Variants in SMOX observed in about 807,000 individuals in gnomAD.
SMOX encodes spermine oxidase.
In SMOX, 22 loss-of-function variants were observed where a neutral mutation model predicts 51.0. The ratio of observed to expected loss-of-function variants is 0.43; its 90% CI spans 0.31 to 0.62. SMOX has a LOEUF of 0.62. SMOX is among the 20% of genes least tolerant of loss of function. The pLI is 0.10. For synonymous variants in SMOX, 282 were observed against 307.8 expected, an observed-to-expected ratio of 0.92 and a Z score of 0.88; for missense variants, 566 against 777.7, an observed-to-expected ratio of 0.73 and a Z score of 3.24.
intron 1 of SMOX, among the ~76,000 whole-genome samples, chr20:4,156,204 C>T (rs1337687465): frequency 6.6e-6 from 1 of 152,206 alleles, no homozygotes; most frequent in Admixed American, 6.5e-5. Context: ...CCAGCCTGAT[C>T]TGACCGTGGA....
chr20:4,187,518 G>A lies in SMOX; in HGVS notation c.*111G>A, dbSNP rs920624129. ...TCTGTAGAAAGGATTTTTATCTTCT[G>A]TAGAGCTAGCCGCCCTGACTGCCTT... is the stretch of plus-strand genomic sequence containing the variant. On this transcript the variant is annotated 3_prime_UTR_variant, in exon 7 of 7. Transcript: ENST00000305958. The surrounding 1 kb of genome is among the most constrained non-coding windows in gnomAD (Gnocchi z 4.8). 22 of 1,488,446 alleles carry A rather than the reference G, an allele frequency of 1.5e-5. No homozygotes were observed. The highest frequency in any genetic ancestry group is 7.0e-5 in the African/African-American group (5 of 71,920). The allele number at this position is 1,488,446 out of a possible 1,614,324, so 92.2% of individuals were successfully genotyped here. A position where few individuals can be genotyped will look rare whatever the true frequency, so the allele number is the denominator to read the frequency against.
In SMOX at chr20:4,182,450, C is replaced by A. The variant is rs138153642; in HGVS notation, c.971C>A (p.Pro324Gln). The change falls in exon 5 of 7, where the codon CCG (proline) becomes CAG (glutamine). Residue 324 changes from proline (P) to glutamine (Q), a missense_variant. Transcript: ENST00000305958. This position sits in a 1 kb window ranked among gnomAD's most constrained non-coding sequence, Gnocchi z 8.4. ...VVECEDCELI[P>Q]ADHVIVTVSL... The stretch of plus-strand genomic sequence containing the variant: ...GAGTGCGAGGACTGTGAGCTGATCC[C>A]GGCGGACCATGTGATTGTGACCGTG... 6.2e-7 allele frequency: 1 copy of A among 1,600,004 alleles called. No individual in the cohort carries two copies. Among genetic ancestry groups the A allele is most frequent in the Non-Finnish European group, 8.5e-7 (1 of 1,172,242 alleles).
At chr20:4,154,029 C>T (rs1600792900) in intron 1 of SMOX, among the ~76,000 whole-genome samples, 1 of 152,164 alleles carries the variant, frequency 6.6e-6, no homozygotes, top group South Asian at 2.1e-4. Context: ...ATGAGGTCCT[C>T]CTCCCAGAGG....
chr20:4,171,568 A>AG (rs1600812843), intron 1 of SMOX: 1 of 152,408 alleles, frequency 6.6e-6, no homozygotes, highest in African/African-American at 2.4e-5. Context: ...ACAGGGCCTG[A>AG]GGAGGGACAG....
chr20:4,162,295 T>C (rs1986372923), intron 1 of SMOX, among the ~76,000 whole-genome samples: 1 of 152,192 alleles, frequency 6.6e-6, no homozygotes, highest in South Asian at 2.1e-4. Context: ...GCCACAGTCA[T>C]GGGAGGAAGC....
rs901064901 is a variant in SMOX at position 4,183,308 on chromosome 20, G to A, written c.1370-186G>A. ...CGTTTTGCCGGGGGTCACAGGAGGC[G>A]CTGAGTGGGTACACAGCTCGAGCCC... On this transcript the variant is annotated intron_variant, in intron 5 of 6. Coordinates refer to ENST00000305958, the MANE Select transcript of SMOX (RefSeq NM_175839.3). The surrounding 1 kb of genome is among the most constrained non-coding windows in gnomAD (Gnocchi z 4.3). 1.7e-5 allele frequency: 13 copies of A among 755,554 alleles called. No homozygotes were observed. Among genetic ancestry groups the A allele is most frequent in the Non-Finnish European group, 1.9e-5 (9 of 465,256 alleles). The allele number at this position is 755,554 out of a possible 1,614,324, so 46.8% of individuals were successfully genotyped here. A position where few individuals can be genotyped will look rare whatever the true frequency, so the allele number is the denominator to read the frequency against.
Position 4,183,144 on chromosome 20 carries a change from C to T in SMOX, c.1369+296C>T. 1 of 574,702 alleles carries T rather than the reference C, an allele frequency of 1.7e-6. No individual in the cohort carries two copies. Among genetic ancestry groups the T allele is most frequent in the South Asian group, 2.1e-5 (1 of 46,778 alleles). The allele number at this position is 574,702 out of a possible 1,614,324, so 35.6% of individuals were successfully genotyped here. A position where few individuals can be genotyped will look rare whatever the true frequency, so the allele number is the denominator to read the frequency against. On this transcript the variant is annotated intron_variant, in intron 5 of 6. Coordinates refer to ENST00000305958, the MANE Select transcript of SMOX (RefSeq NM_175839.3). This position sits in a 1 kb window ranked among gnomAD's most constrained non-coding sequence, Gnocchi z 4.3. ...GCTCTGTTGCTAAGAGCTGGATTTG[C>T]CTTTTACTCTCTGAGTCTTTCAGCT...
chr20:4,173,398 T>G (rs57478662), intron 1 of SMOX, among the ~76,000 whole-genome samples: 1 of 152,202 alleles, frequency 6.6e-6, no homozygotes, highest in Admixed American at 6.5e-5. Flanking sequence ...TGTCAGTACT[T>G]GGGTTCTGTC....
At chr20:4,158,950 A>C (rs1194990027) in intron 1 of SMOX, among the ~76,000 whole-genome samples, 1 of 151,976 alleles carries the variant, frequency 6.6e-6, no homozygotes, top group African/African-American at 2.4e-5. Flanking sequence ...CTTAGGAAAT[A>C]TTTTTAAATG....
At position 4,168,816 on chromosome 20, in the gene SMOX, C is replaced by G. The variant is rs1421938308; in HGVS notation, c.-26-6214C>G. 3.9e-5 allele frequency among the ~76,000 whole-genome samples: 6 copies of G among 152,074 alleles called. No homozygotes were observed. The East Asian group carries it at 1.2e-3, about 29-fold the overall frequency. On this transcript the variant is annotated intron_variant, in intron 1 of 6. Transcript: ENST00000305958. Reference sequence around the variant, plus strand: ...AAGTGATCCGCCCGCCTCGGCCTCCCCAAGTGCTGGGATTACAGGCTTGAG... The same window carrying G: ...AAGTGATCCGCCCGCCTCGGCCTCCGCAAGTGCTGGGATTACAGGCTTGAG...
Position 4,170,994 on chromosome 20 carries a change from G to A in SMOX, c.-26-4036G>A, listed in dbSNP as rs1479870254. Among the ~76,000 whole-genome samples the A allele has an allele frequency of 6.6e-6, 1 of 152,180 alleles. No individual in the cohort carries two copies. Among genetic ancestry groups the A allele is most frequent in the Non-Finnish European group, 1.5e-5 (1 of 68,036 alleles). On this transcript the variant is annotated intron_variant, in intron 1 of 6. Coordinates refer to ENST00000305958, the MANE Select transcript of SMOX (RefSeq NM_175839.3). The surrounding 1 kb of genome is among the most constrained non-coding windows in gnomAD (Gnocchi z 4.6). ...ACCTCAAGGCGTGGGTGCAGGCGCTGGGCAAGAGGCTCACACCCCCACTTT... is the reference window on the plus strand; with the variant it reads ...ACCTCAAGGCGTGGGTGCAGGCGCTAGGCAAGAGGCTCACACCCCCACTTT...
rs532807520 is a variant in SMOX at position 4,182,901 on chromosome 20, G to A, written c.1369+53G>A. 11 of 1,553,324 alleles carry A rather than the reference G, an allele frequency of 7.1e-6. No homozygotes were observed. The Admixed American group carries it at 1.8e-4, about 25-fold the overall frequency. Reference sequence around the variant, plus strand: ...CCCCCACCCTGCTTCTTCCTCACCTGCCCTCCTCTGGTGGACCCATGGCAG... The same window carrying A: ...CCCCCACCCTGCTTCTTCCTCACCTACCCTCCTCTGGTGGACCCATGGCAG... On this transcript the variant is annotated intron_variant, in intron 5 of 6. Transcript: ENST00000305958. The surrounding 1 kb of genome is among the most constrained non-coding windows in gnomAD (Gnocchi z 8.4).
chr20:4,186,315 A>G (rs1314959903), intron 6 of SMOX, among the ~76,000 whole-genome samples: 1 of 152,222 alleles, frequency 6.6e-6, no homozygotes, highest in African/African-American at 2.4e-5. Flanking sequence ...CTCAAAAATA[A>G]TAAATAAAAA....
chr20:4,157,938 T>C (rs12625543), intron 1 of SMOX, among the ~76,000 whole-genome samples: 67,628 of 150,564 alleles, frequency 0.45, 16,016 homozygotes, highest in African/African-American at 0.6. Flanking sequence ...TCTCGCTCTG[T>C]CGCCCAGGCT....
In SMOX at chr20:4,177,574, C is replaced by T. The variant is rs745799771; in HGVS notation, c.432C>T (p.Asn144=). The change falls in exon 3 of 7, where the codon AAC becomes AAT. Residue 144 remains asparagine (N), a synonymous_variant. Coordinates refer to ENST00000305958, the MANE Select transcript of SMOX (RefSeq NM_175839.3). The surrounding 1 kb of genome is among the most constrained non-coding windows in gnomAD (Gnocchi z 4.3). ...TTGAGGAATTCAGCGATTTATACAA[C>T]GAGGTAAGGTGTGAGCAGAGTAGCT... The part of the protein sequence containing the change: ...DVVEEFSDLY[N]EVYNLTQEFF... The T allele has an allele frequency of 2.3e-5, 36 of 1,583,614 alleles. No individual in the cohort carries two copies. Among genetic ancestry groups the T allele is most frequent in the South Asian group, 1.2e-4 (10 of 86,880 alleles).
At position 4,148,992 on chromosome 20, in the gene SMOX, C is replaced by G. The variant is rs1285430598; in HGVS notation, c.-27+15C>G. ...AGCAGGGAAAGGTACGGTGCGCCCG[C>G]TCTCCGGCCCCGGGCCCCGGCTCTC... On this transcript the variant is annotated intron_variant, in intron 1 of 6. Coordinates refer to ENST00000305958, the MANE Select transcript of SMOX (RefSeq NM_175839.3). 1 of 151,678 alleles carries G rather than the reference C, an allele frequency of 6.6e-6. No individual in the cohort carries two copies. The highest frequency in any genetic ancestry group is 1.5e-5 in the Non-Finnish European group (1 of 67,830). 9.4% of individuals were successfully genotyped at this position (151,678 alleles called of 1,614,324 possible).
chr20:4,168,937 TTTATTTTATTTTATG>T (rs1321989676), intron 1 of SMOX, among the ~76,000 whole-genome samples: 3 of 102,006 alleles, frequency 2.9e-5, no homozygotes, highest in African/African-American at 4.1e-5. Flanking sequence ...TTTATTTTAT[TTTATTTTATTTTATG>T]TTATTTTATT....
chr20:4,168,511 G>A (rs1213974327), intron 1 of SMOX, among the ~76,000 whole-genome samples: 4 of 152,128 alleles, frequency 2.6e-5, no homozygotes, highest in African/African-American at 9.7e-5. Flanking sequence ...GGAATAGCCT[G>A]TGTTCGGAGG....
At chr20:4,157,947 C>A (rs1600797729) in intron 1 of SMOX, among the ~76,000 whole-genome samples, 1 of 152,196 alleles carries the variant, frequency 6.6e-6, no homozygotes. Context: ...GTCGCCCAGG[C>A]TGGAGTGCAG....
Sources: gnomAD v4.1 joint callset for allele counts (sites outside exome capture counted in the v4.1 genomes callset) on GRCh38, gnomAD v4.1.1 for gene constraint, Gnocchi (gnomAD v3.1) non-coding constraint, MANE v1.5 for transcripts, NCBI Gene and HGNC (gene_info 2026-07-23, HGNC 2026-07-21) for gene names.